TMED10: variants seen among roughly 807,000 people sequenced by gnomAD.
TMED10 encodes the protein transmembrane p24 trafficking protein 10.
A neutral mutation model predicts 23.1 loss-of-function variants in TMED10; 7 were observed. The ratio of observed to expected loss-of-function variants is 0.30; its 90% CI spans 0.17 to 0.57. TMED10 has a LOEUF of 0.57. Among genes scored for constraint, TMED10 ranks in the 20% least tolerant of loss-of-function variants. The probability of loss-of-function intolerance (pLI) is 0.91; values close to 1 mark genes in which losing one functional copy is unlikely to be tolerated. For synonymous variants in TMED10, 113 were observed against 106.9 expected, an observed-to-expected ratio of 1.06 and a Z score of -0.35; for missense variants, 162 against 274.8, an observed-to-expected ratio of 0.59 and a Z score of 2.90.
At chr14:75,139,872 T>C (rs1314175627) in intron 3 of TMED10, among the ~76,000 whole-genome samples, 2 of 152,172 alleles carry the variant, frequency 1.3e-5, no homozygotes, top group Admixed American at 1.3e-4. Context: ...ACACCATGGA[T>C]ACTCAATAGT....
At chr14:75,135,064 A>G (rs2139828727) in intron 4 of TMED10, 58 bp from the exon 5 acceptor site, 1 of 1,603,926 alleles carries the variant, frequency 6.2e-7, no homozygotes, top group Middle Eastern at 1.7e-4. Context: ...AGCTGGCTAA[A>G]CAATGGCAGG....
At chr14:75,155,922 C>G (rs1046203323) in intron 1 of TMED10, among the ~76,000 whole-genome samples, 5 of 152,228 alleles carry the variant, frequency 3.3e-5, no homozygotes, top group Admixed American at 6.5e-5. Context: ...ATTTAATCCT[C>G]ACTATAACCC....
intron 3 of TMED10, among the ~76,000 whole-genome samples, chr14:75,146,391 A>G (rs1895883349): frequency 6.6e-6 from 1 of 152,232 alleles, no homozygotes. Flanking sequence ...CACTATTCCT[A>G]GACAATTTTC....
chr14:75,170,172 G>A (rs985562269), intron 1 of TMED10, among the ~76,000 whole-genome samples: 1 of 152,154 alleles, frequency 6.6e-6, no homozygotes, highest in African/African-American at 2.4e-5. Flanking sequence ...AGCCTGCAGT[G>A]AGCCAAGATT....
intron 1 of TMED10, among the ~76,000 whole-genome samples, chr14:75,166,694 T>C (rs1896167092): frequency 6.6e-6 from 1 of 152,212 alleles, no homozygotes; most frequent in Non-Finnish European, 1.5e-5. Context: ...CTAGGAACTT[T>C]GTATATAATA....
intron 1 of TMED10, among the ~76,000 whole-genome samples, chr14:75,173,045 A>C (rs1215791070): frequency 6.6e-6 from 1 of 152,222 alleles, no homozygotes; most frequent in Non-Finnish European, 1.5e-5. Context: ...GAAATTTAAA[A>C]GTCTGGAGCT....
At chr14:75,154,649 A>G (rs571535506) in intron 1 of TMED10, among the ~76,000 whole-genome samples, 1 of 151,904 alleles carries the variant, frequency 6.6e-6, no homozygotes, top group African/African-American at 2.4e-5. Context: ...TAATTTGTCA[A>G]ACTTTTAAAT....
intron 3 of TMED10, among the ~76,000 whole-genome samples, chr14:75,138,435 T>A: frequency 1.3e-5 from 2 of 152,250 alleles, no homozygotes; most frequent in East Asian, 3.8e-4. Flanking sequence ...CAATAGTTAA[T>A]GCACAGAGCT....
chr14:75,141,308 G>A (rs1895819775), intron 3 of TMED10, among the ~76,000 whole-genome samples: 1 of 152,100 alleles, frequency 6.6e-6, no homozygotes, highest in Non-Finnish European at 1.5e-5. Flanking sequence ...TAGCAACTAC[G>A]AATAGTCTAG....
intron 1 of TMED10, among the ~76,000 whole-genome samples, chr14:75,171,677 A>G (rs1232941992): frequency 6.6e-6 from 1 of 152,236 alleles, no homozygotes; most frequent in Non-Finnish European, 1.5e-5. Flanking sequence ...CCCACTCCCA[A>G]AAAGTCTCCA....
At chr14:75,140,577 G>A (rs1280168337) in intron 3 of TMED10, among the ~76,000 whole-genome samples, 6 of 152,086 alleles carry the variant, frequency 3.9e-5, no homozygotes, top group African/African-American at 7.2e-5. Flanking sequence ...GCATGGTGGC[G>A]CATGCCTGTA....
At chr14:75,175,279 G>A (rs938014442) in intron 1 of TMED10, among the ~76,000 whole-genome samples, 2 of 152,056 alleles carry the variant, frequency 1.3e-5, no homozygotes, top group South Asian at 2.1e-4. Context: ...CACCATCCAA[G>A]AGCATAGTTG....
intron 1 of TMED10, among the ~76,000 whole-genome samples, chr14:75,164,506 CA>C (rs537759351): frequency 8.9e-4 from 127 of 142,286 alleles, no homozygotes; most frequent in Middle Eastern, 3.5e-3. Context: ...GCTGGGATTA[CA>C]GGCGTGAGCC....
At chr14:75,160,863 G>A (rs1303284802) in intron 1 of TMED10, among the ~76,000 whole-genome samples, 2 of 152,118 alleles carry the variant, frequency 1.3e-5, no homozygotes, top group African/African-American at 2.4e-5. Context: ...TGACCAACAT[G>A]GCAAAACCCT....
intron 1 of TMED10, among the ~76,000 whole-genome samples, chr14:75,173,855 C>T (rs547359673): frequency 9.7e-4 from 147 of 152,252 alleles, no homozygotes; most frequent in African/African-American, 3.4e-3. Context: ...CTCAGCCTCC[C>T]GGGTAGCTGG....
intron 1 of TMED10, among the ~76,000 whole-genome samples, chr14:75,166,008 G>A (rs2139857778): frequency 6.6e-6 from 1 of 151,814 alleles, no homozygotes; most frequent in East Asian, 1.9e-4. Context: ...GAAAAGGGGA[G>A]AAAGAGAGGG....
At chr14:75,168,346 A>G (rs767233646) in intron 1 of TMED10, among the ~76,000 whole-genome samples, 3 of 152,198 alleles carry the variant, frequency 2.0e-5, no homozygotes, top group Non-Finnish European at 4.4e-5. Flanking sequence ...CACATACTAA[A>G]TATTACATAA....
chr14:75,155,610 A>G (rs1251250153), intron 1 of TMED10, among the ~76,000 whole-genome samples: 1 of 152,216 alleles, frequency 6.6e-6, no homozygotes, highest in Non-Finnish European at 1.5e-5. Flanking sequence ...TAACAGAGAG[A>G]GAGCGCTTCA....
At chr14:75,171,811 T>G (rs2139863417) in intron 1 of TMED10, among the ~76,000 whole-genome samples, 1 of 111,208 alleles carries the variant, frequency 9.0e-6, no homozygotes, top group East Asian at 2.1e-4. Context: ...AATAGGACAC[T>G]AAGACACACC....
Sources: allele counts gnomAD v4.1 joint callset (sites outside exome capture counted in the v4.1 genomes callset), GRCh38; gene constraint gnomAD v4.1.1; transcripts MANE v1.5; gene names NCBI Gene and HGNC (gene_info 2026-07-23, HGNC 2026-07-21).